SPATA21: variants seen among roughly 807,000 people sequenced by gnomAD.
The protein encoded by SPATA21 is spermatogenesis associated 21.
A neutral mutation model predicts 54.8 loss-of-function variants in SPATA21; 47 were observed. That is an observed-to-expected ratio of 0.86 (90% CI 0.68 to 1.09). The LOEUF (loss-of-function observed/expected upper bound fraction) is 1.09. Among genes scored for constraint, SPATA21 ranks in the 50% least tolerant of loss-of-function variants. SPATA21 has a pLI of 0.00. For synonymous variants in SPATA21, 245 were observed against 235.3 expected, an observed-to-expected ratio of 1.04 and a Z score of -0.38; for missense variants, 599 against 596.4, an observed-to-expected ratio of 1.00 and a Z score of -0.05.
intron 3 of SPATA21, among the ~76,000 whole-genome samples, chr1:16,426,162 G>T (rs1247612005): frequency 6.6e-6 from 1 of 152,088 alleles, no homozygotes; most frequent in African/African-American, 2.4e-5. Flanking sequence ...TAAAGCTAAA[G>T]ATAACTGTTC....
intron 1 of SPATA21, among the ~76,000 whole-genome samples, chr1:16,433,359 G>A (rs890837773): frequency 2.0e-5 from 3 of 152,198 alleles, no homozygotes; most frequent in African/African-American, 4.8e-5. Context: ...CTGGCCTCAC[G>A]AAGGACCAGG....
chr1:16,429,281 G>C (rs1007713895), intron 3 of SPATA21, among the ~76,000 whole-genome samples: 12 of 151,772 alleles, frequency 7.9e-5, no homozygotes, highest in Non-Finnish European at 1.3e-4. Flanking sequence ...GGGATCACAG[G>C]CGTGAGCCAC....
At chr1:16,401,827 C>T (rs2085457255) in intron 10 of SPATA21, among the ~76,000 whole-genome samples, 1 of 152,184 alleles carries the variant, frequency 6.6e-6, no homozygotes, top group Admixed American at 6.5e-5. Context: ...TCTTAACTCA[C>T]TGCTTGCCTT....
chr1:16,427,229 C>T (rs915246105), intron 3 of SPATA21, among the ~76,000 whole-genome samples: 17 of 152,054 alleles, frequency 1.1e-4, no homozygotes, highest in Admixed American at 4.6e-4. Context: ...TTTCTATTTC[C>T]ACCGGCATGG....
intron 2 of SPATA21, among the ~76,000 whole-genome samples, chr1:16,431,811 C>G: frequency 6.6e-6 from 1 of 152,200 alleles, no homozygotes; most frequent in East Asian, 1.9e-4. Context: ...GGTTCCAAGG[C>G]TAAATGCCTT....
chr1:16,419,623 G>A (rs1430800151), intron 5 of SPATA21, among the ~76,000 whole-genome samples: 2 of 152,192 alleles, frequency 1.3e-5, no homozygotes, highest in Non-Finnish European at 2.9e-5. Flanking sequence ...TAGGCCATTG[G>A]ATATATGAAC....
At chr1:16,429,412 G>A (rs2086401964) in intron 3 of SPATA21, among the ~76,000 whole-genome samples, 1 of 152,160 alleles carries the variant, frequency 6.6e-6, no homozygotes, top group South Asian at 2.1e-4. Flanking sequence ...GAGCAGGCGT[G>A]AGCCATGGCA....
intron 1 of SPATA21, among the ~76,000 whole-genome samples, chr1:16,436,432 C>T (rs1188620738): frequency 6.6e-6 from 1 of 150,384 alleles, no homozygotes; most frequent in Admixed American, 6.6e-5. Flanking sequence ...GTATACTGCT[C>T]AGGTGATGGG....
At chr1:16,404,944 G>A (rs1244026802) in intron 8 of SPATA21, 23 bp downstream of exon 8, 1 of 1,544,184 alleles carries the variant, frequency 6.5e-7, no homozygotes, top group East Asian at 2.4e-5. Context: ...CTGGGATGCA[G>A]AGTGGAGCCC....
Position 16,403,713 on chromosome 1 carries a change from C to T in SPATA21, c.1001+14G>A. ...GTCCACAACCCTTCACCCCCAACAACCGGCCCCACTCACTTTGTGATTTCC... is the reference window on the plus strand; with the variant it reads ...GTCCACAACCCTTCACCCCCAACAATCGGCCCCACTCACTTTGTGATTTCC... On this transcript the variant is annotated intron_variant, in intron 10 of 12. Coordinates refer to ENST00000335496, the MANE Select transcript of SPATA21 (RefSeq NM_198546.1). 6.2e-7 allele frequency: 1 copy of T among 1,607,664 alleles called. No homozygotes were observed. The highest frequency in any genetic ancestry group is 8.5e-7 in the Non-Finnish European group (1 of 1,174,250).
Position 16,400,814 on chromosome 1 carries a change from C to A in SPATA21, c.1080G>T (p.Gln360His). 1.2e-6 allele frequency: 2 copies of A among 1,614,210 alleles called. No homozygotes were observed. Among genetic ancestry groups the A allele is most frequent in the Non-Finnish European group, 1.7e-6 (2 of 1,180,044 alleles). Residue 360 changes from glutamine to histidine, a missense_variant, in exon 11 of 13, where the codon CAG becomes CAT. Physicochemically the swap from Gln to His is conservative, Grantham distance 24 (BLOSUM62 0). Transcript: ENST00000335496. ...MEAAVGRLRL[Q>H]KLPYNPQQEE... ...CTTGCTGGGGGTTGTAGGGAAGCTT[C>A]TGCAACCGCAGCCGGCCTACGGCCG...
rs1266296545 is a variant in SPATA21 at position 16,399,344 on chromosome 1, C to T, written c.1352G>A (p.Arg451Lys). The T allele has an allele frequency of 6.2e-7, 1 of 1,609,186 alleles. No homozygotes were observed. Among genetic ancestry groups the T allele is most frequent in the Admixed American group, 1.7e-5 (1 of 59,624 alleles). Residue 451 changes from arginine (R) to lysine (K), a missense_variant and splice_region_variant, in exon 12 of 13, where the codon AGG becomes AAG. Arg to Lys is a conservative substitution (Grantham distance 26). Transcript: ENST00000335496. ...PFFQSGSQGN[R>K]EHNSDSRKWL... The stretch of plus-strand genomic sequence containing the variant: ...TGGGACCCTTTCTCTGGGCACCCAC[C>T]TGTTTCCTTGAGATCCTGACTGGAA...
chr1:16,404,437 T>G (rs1438570215), intron 8 of SPATA21, among the ~76,000 whole-genome samples: 1 of 151,896 alleles, frequency 6.6e-6, no homozygotes, highest in Non-Finnish European at 1.5e-5. Flanking sequence ...GCCACTGCCC[T>G]CCAGCCTGGG....
Position 16,405,112 on chromosome 1 carries a change from G to A in SPATA21, c.674-8C>T, listed in dbSNP as rs780096316. 3 of 1,608,514 alleles carry A rather than the reference G, an allele frequency of 1.9e-6. No individual in the cohort carries two copies. The South Asian group carries it at 3.3e-5, about 18-fold the overall frequency. On this transcript the variant is annotated splice_polypyrimidine_tract_variant and splice_region_variant and intron_variant, in intron 7 of 12. Coordinates refer to ENST00000335496, the MANE Select transcript of SPATA21 (RefSeq NM_198546.1). ...CAAAGTAGCTGCGGAAGGCTGTGGG[G>A]AGGGCAGGGTTATGTGGAGTGGGGG...
chr1:16,419,896 C>T (rs1240407639), intron 5 of SPATA21, among the ~76,000 whole-genome samples: 2 of 152,062 alleles, frequency 1.3e-5, no homozygotes, highest in South Asian at 2.1e-4. Context: ...GCTGAGATTG[C>T]GCCACTGCAC....
intron 10 of SPATA21, among the ~76,000 whole-genome samples, chr1:16,402,249 CTTTTTTTTTTTTT>C (rs869032281): frequency 2.1e-4 from 12 of 55,956 alleles, no homozygotes; most frequent in Admixed American, 6.0e-4. Context: ...AGCTGCCATT[CTTTTTTTTTTTTT>C]TTTTTTTTTT....
intron 3 of SPATA21, among the ~76,000 whole-genome samples, chr1:16,426,254 C>CTTATTTATTTATTTATTTAT (rs750947536): frequency 0.011 from 1,606 of 151,612 alleles, 42 homozygotes; most frequent in African/African-American, 0.037. Context: ...CGTATGCATA[C>CTTATTTATTTATTTATTTAT]TTATTTATTT....
chr1:16,407,307 C>A (rs1557649808), intron 7 of SPATA21, among the ~76,000 whole-genome samples: 1 of 152,114 alleles, frequency 6.6e-6, no homozygotes, highest in Non-Finnish European at 1.5e-5. Context: ...GGGCAGTCGG[C>A]CCTTCAATTA....
downstream of SPATA21, chr1:16,397,719 G>C (rs910223736): frequency 8.5e-5 from 13 of 152,776 alleles, no homozygotes; most frequent in African/African-American, 2.2e-4. The surrounding 1 kb of genome is among the most constrained non-coding windows in gnomAD (Gnocchi z 5.4). Context: ...ACCTTTCTCA[G>C]CCCACTCAAT....
Sources: gnomAD v4.1 joint callset for allele counts (sites outside exome capture counted in the v4.1 genomes callset) on GRCh38, gnomAD v4.1.1 for gene constraint, Gnocchi (gnomAD v3.1) non-coding constraint, MANE v1.5 for transcripts, NCBI Gene and HGNC (gene_info 2026-07-23, HGNC 2026-07-21) for gene names.